The following ADAMTS17 variants were observed in gnomAD, a reference collection of about 807,000 sequenced individuals.
ADAMTS17 encodes A disintegrin and metalloproteinase with thrombospondin motifs 17.
Under a neutral mutation model 141.5 loss-of-function variants are expected in ADAMTS17, and 113 were observed. The observed-to-expected ratio is 0.80, with a 90% CI of 0.69 to 0.93. The LOEUF (loss-of-function observed/expected upper bound fraction) is 0.93, where lower values mean the gene tolerates loss of function less well. Among genes scored for constraint, ADAMTS17 ranks in the 40% least tolerant of loss-of-function variants. The probability of loss-of-function intolerance (pLI) is 0.00; values close to 1 mark genes in which losing one functional copy is unlikely to be tolerated. For synonymous variants in ADAMTS17, 768 were observed against 630.6 expected (o/e 1.22, Z -3.27); for missense variants, 1,659 against 1,517.9 (o/e 1.09, Z -1.54).
chr15:100,187,660 C>A (rs1240516537), intron 8 of ADAMTS17, among the ~76,000 whole-genome samples: 4 of 152,174 alleles, frequency 2.6e-5, no homozygotes, highest in African/African-American at 9.7e-5. Context: ...TGATGCTTTT[C>A]ATACCTGACT....
chr15:99,998,684 G>C (rs2060857351), intron 18 of ADAMTS17, among the ~76,000 whole-genome samples: 1 of 152,178 alleles, frequency 6.6e-6, no homozygotes, highest in African/African-American at 2.4e-5. Context: ...ATCTCTGTTG[G>C]CCTCAGGGCG....
chr15:100,163,009 T>A (rs1248009987), intron 8 of ADAMTS17, among the ~76,000 whole-genome samples: 1 of 141,454 alleles, frequency 7.1e-6, no homozygotes, highest in African/African-American at 2.6e-5. Context: ...TATATATGTG[T>A]ATATATAACT....
chr15:100,318,236 A>T (rs59065804), intron 3 of ADAMTS17, among the ~76,000 whole-genome samples: 2 of 152,034 alleles, frequency 1.3e-5, no homozygotes, highest in African/African-American at 4.8e-5. Context: ...GTCAGACAAC[A>T]AGAAGGACCT....
At chr15:100,086,923 T>C (rs774741941) in intron 15 of ADAMTS17, among the ~76,000 whole-genome samples, 58 of 152,120 alleles carry the variant, frequency 3.8e-4, no homozygotes, top group Non-Finnish European at 7.9e-4. Context: ...AACATCACAA[T>C]TGAAAGAACC....
intron 8 of ADAMTS17, among the ~76,000 whole-genome samples, chr15:100,165,822 C>G (rs528591431): frequency 1.3e-5 from 2 of 152,296 alleles, no homozygotes; most frequent in East Asian, 1.9e-4. Context: ...TAAGAAGAAC[C>G]TCTGCCCCCC....
chr15:100,115,225 C>T (rs2037039758), intron 13 of ADAMTS17, among the ~76,000 whole-genome samples: 3 of 152,180 alleles, frequency 2.0e-5, no homozygotes, highest in South Asian at 4.1e-4. Context: ...CAGCGGGAAG[C>T]CTCCTGCCAC....
rs750831012 is a variant in ADAMTS17, at chr15:100,116,952, G to A, written c.1783C>T (p.Leu595=). ...CTGGGCAGACCCTTGGGGCAGGGCA[G>A]GTTCTCGCAGACCGCATGTTCTACA... ...ASVEHAVCEN[L]PCPKGLPSFR... is the part of the protein sequence containing the mutation. Residue 595 remains leucine (L), a synonymous_variant, in exon 13 of 22, where the codon CTG becomes TTG. Coordinates refer to ENST00000268070, the MANE Select transcript of ADAMTS17 (RefSeq NM_139057.4). The A allele has an allele frequency of 3.7e-6, 6 of 1,613,994 alleles. No homozygotes were observed. The highest frequency in any genetic ancestry group is 2.2e-5 in the South Asian group (2 of 91,070).
At chr15:100,128,625 A>G (rs543580606) in intron 12 of ADAMTS17, 1 of 152,350 alleles carries the variant, frequency 6.6e-6, no homozygotes, top group African/African-American at 2.4e-5. Flanking sequence ...GAAGAAGAAG[A>G]GTGAAAGATT....
intron 4 of ADAMTS17, among the ~76,000 whole-genome samples, chr15:100,278,034 T>C (rs994825492): frequency 1.3e-5 from 2 of 152,160 alleles, no homozygotes; most frequent in Non-Finnish European, 2.9e-5. Flanking sequence ...AAATAAGCCA[T>C]TTGTCCACAA....
At chr15:99,985,080 T>C (rs1360408331) in intron 20 of ADAMTS17, among the ~76,000 whole-genome samples, 1 of 152,264 alleles carries the variant, frequency 6.6e-6, no homozygotes, top group African/African-American at 2.4e-5. Flanking sequence ...ACTGCTCTCA[T>C]GTGAGCATGG....
chr15:100,173,635 C>T (rs2040236689), intron 8 of ADAMTS17, among the ~76,000 whole-genome samples: 1 of 152,222 alleles, frequency 6.6e-6, no homozygotes, highest in Non-Finnish European at 1.5e-5. Context: ...TTATGCCAGA[C>T]CTCTCTCTTA....
intron 3 of ADAMTS17, among the ~76,000 whole-genome samples, chr15:100,301,332 TA>T (rs2141816370): frequency 6.7e-6 from 1 of 148,578 alleles, no homozygotes; most frequent in South Asian, 2.1e-4. Flanking sequence ...GTTATATATA[TA>T]TATATATTTT....
chr15:100,017,066 G>A (rs1397192150), intron 18 of ADAMTS17, among the ~76,000 whole-genome samples: 1 of 152,188 alleles, frequency 6.6e-6, no homozygotes, highest in Non-Finnish European at 1.5e-5. Context: ...ATGGGGTTGA[G>A]GTTCCCAGGT....
At chr15:100,156,786 A>G (rs1346287781) in intron 8 of ADAMTS17, among the ~76,000 whole-genome samples, 1 of 152,246 alleles carries the variant, frequency 6.6e-6, no homozygotes, top group African/African-American at 2.4e-5. Context: ...AGGCTGCTTC[A>G]CAAGTCTTTT....
intron 15 of ADAMTS17, among the ~76,000 whole-genome samples, chr15:100,056,727 A>G (rs1467371720): frequency 6.6e-6 from 1 of 152,020 alleles, no homozygotes. Context: ...CTTCTGCTTG[A>G]AGAAACACCT....
At chr15:100,064,200 A>G (rs1033740899) in intron 15 of ADAMTS17, among the ~76,000 whole-genome samples, 2 of 152,222 alleles carry the variant, frequency 1.3e-5, no homozygotes, top group Non-Finnish European at 2.9e-5. Flanking sequence ...ATGCTTCTAC[A>G]AAGCAGCCAA....
chr15:100,007,616 C>T (rs1296391699), intron 18 of ADAMTS17, among the ~76,000 whole-genome samples: 2 of 151,980 alleles, frequency 1.3e-5, no homozygotes. Flanking sequence ...AGAAAGAAGG[C>T]AAGAAATGTC....
intron 7 of ADAMTS17, among the ~76,000 whole-genome samples, chr15:100,219,543 T>C (rs1319932829): frequency 6.6e-6 from 1 of 152,178 alleles, no homozygotes; most frequent in Non-Finnish European, 1.5e-5. Flanking sequence ...GTTATCGTCC[T>C]CAGATAGGGC....
intron 7 of ADAMTS17, among the ~76,000 whole-genome samples, chr15:100,214,382 T>C (rs956107081): frequency 2.6e-5 from 4 of 152,224 alleles, no homozygotes; most frequent in Non-Finnish European, 4.4e-5. Flanking sequence ...AATGAGCTTG[T>C]ATTATAACAT....
Sources: allele counts gnomAD v4.1 joint callset (sites outside exome capture counted in the v4.1 genomes callset), GRCh38; gene constraint gnomAD v4.1.1; transcripts MANE v1.5; gene names NCBI Gene and HGNC (gene_info 2026-07-23, HGNC 2026-07-21).